Variants in SUGP2 observed in about 807,000 individuals in gnomAD.
SUGP2 encodes SURP and G-patch domain-containing protein 2.
A neutral mutation model predicts 90.5 loss-of-function variants in SUGP2; 24 were observed. The observed-to-expected ratio is 0.27, with a 90% CI of 0.19 to 0.37. The LOEUF is 0.37. SUGP2 is among the 10% of genes least tolerant of loss of function. SUGP2 has a pLI of 1.00. For missense variants in SUGP2, 1,233 were observed against 1,363.3 expected, an observed-to-expected ratio of 0.90 and a Z score of 1.51; for synonymous variants, 473 against 513.4, an observed-to-expected ratio of 0.92 and a Z score of 1.06.
At chr19:19,031,901 C>A (rs528499489) in intron 1 of SUGP2, among the ~76,000 whole-genome samples, 1 of 146,988 alleles carries the variant, frequency 6.8e-6, no homozygotes, top group East Asian at 2.0e-4. Context: ...TGACCTCAAG[C>A]AATCTGCCCA....
At chr19:19,009,659 G>T (rs2053937671) in intron 5 of SUGP2, among the ~76,000 whole-genome samples, 196 bp downstream of exon 5, 1 of 152,228 alleles carries the variant, frequency 6.6e-6, no homozygotes, top group Non-Finnish European at 1.5e-5. Context: ...GGAGGAGGGA[G>T]CTGCAGGACT....
chr19:19,011,062 AG>A (rs1315452557), intron 4 of SUGP2, among the ~76,000 whole-genome samples: 1 of 151,378 alleles, frequency 6.6e-6, no homozygotes, highest in African/African-American at 2.4e-5. Context: ...ACTTGAGCCC[AG>A]GAAGTCGAGA....
chr19:19,028,982 T>C (rs948186181), intron 2 of SUGP2, among the ~76,000 whole-genome samples: 2 of 151,974 alleles, frequency 1.3e-5, no homozygotes, highest in Non-Finnish European at 2.9e-5. Flanking sequence ...CCACTGCACC[T>C]GGCCGTCTTT....
chr19:19,032,639 G>A (rs1373160849), intron 1 of SUGP2, among the ~76,000 whole-genome samples: 1 of 152,112 alleles, frequency 6.6e-6, no homozygotes, highest in African/African-American at 2.4e-5. Flanking sequence ...CCACTGAAGA[G>A]GCGGGTCCTG....
intron 10 of SUGP2, 35 bp downstream of exon 10, chr19:18,994,331 G>A: frequency 6.2e-7 from 1 of 1,602,244 alleles, no homozygotes; most frequent in Non-Finnish European, 8.5e-7. Flanking sequence ...CGCCAGCGAG[G>A]GCAGACGGCC....
At position 19,031,086 on chromosome 19, in the gene SUGP2, T is replaced by C. The variant is rs759980539; in HGVS notation, c.-11-4A>G. The C allele has an allele frequency of 1.2e-5, 20 of 1,607,860 alleles. No homozygotes were observed. The highest frequency in any genetic ancestry group is 4.4e-5 in the South Asian group (4 of 89,960). ...CTGGCTGCCATGTTATTTTGCCCTA[T>C]GGTGAGAGAGAAAAAAATACACTAA... On this transcript the variant is annotated splice_polypyrimidine_tract_variant and splice_region_variant and intron_variant, in intron 1 of 10. Coordinates refer to ENST00000452918, the MANE Select transcript of SUGP2 (RefSeq NM_001017392.5).
chr19:19,008,936 G>A (rs1475042149), intron 5 of SUGP2, among the ~76,000 whole-genome samples: 1 of 152,064 alleles, frequency 6.6e-6, no homozygotes, highest in Admixed American at 6.5e-5. Context: ...TTTTGAGATG[G>A]AGTCTTGCTC....
At chr19:19,032,848 T>A (rs2145803537) in intron 1 of SUGP2, among the ~76,000 whole-genome samples, 1 of 152,212 alleles carries the variant, frequency 6.6e-6, no homozygotes, top group Non-Finnish European at 1.5e-5. Context: ...TCGCAAAACC[T>A]CCAACTTCAA....
chr19:19,001,632 C>A lies in SUGP2; in HGVS notation c.2972G>T (p.Arg991Leu). ...VRIAYDRPRG[R>L]PMSKKKKPKD... Reference sequence around the variant, plus strand: ...GCTCACCTTCTTTTTGGACATGGGACGACCCCGAGGCCTGTCATAGGCAAT... The same window carrying A: ...GCTCACCTTCTTTTTGGACATGGGAAGACCCCGAGGCCTGTCATAGGCAAT... Residue 991 changes from arginine to leucine, a missense_variant, in exon 8 of 11, where the codon CGT (arginine) becomes CTT (leucine). Physicochemically the swap from Arg to Leu is moderately radical, Grantham distance 102. Coordinates refer to ENST00000452918, the MANE Select transcript of SUGP2 (RefSeq NM_001017392.5). 6.2e-7 allele frequency: 1 copy of A among 1,614,140 alleles called. No individual in the cohort carries two copies. The highest frequency in any genetic ancestry group is 8.5e-7 in the Non-Finnish European group (1 of 1,180,012).
chr19:19,021,033 A>C (rs2058704788), intron 3 of SUGP2, among the ~76,000 whole-genome samples: 1 of 151,662 alleles, frequency 6.6e-6, no homozygotes, highest in African/African-American at 2.4e-5. Context: ...GTGGCACATG[A>C]CTGTAATCCC....
In SUGP2 at chr19:18,992,878, C is replaced by T. The variant is rs73006907; in HGVS notation, c.*863G>A. 9,751 of 152,252 alleles carry T rather than the reference C, an allele frequency of 0.064. 380 individuals carry two copies. The highest frequency in any genetic ancestry group is 0.15 in the Middle Eastern group (43 of 292). 9.4% of individuals were successfully genotyped at this position (152,252 alleles called of 1,614,324 possible). A position where few individuals can be genotyped will look rare whatever the true frequency, so the allele number is the denominator to read the frequency against. On this transcript the variant is annotated 3_prime_UTR_variant, in exon 11 of 11. Coordinates refer to ENST00000452918, the MANE Select transcript of SUGP2 (RefSeq NM_001017392.5). ...GCAGAGTGCTGGGGAATCTGGAGAGCGGGGGCGATCACATGCCTGGAAATA... is the reference window on the plus strand; with the variant it reads ...GCAGAGTGCTGGGGAATCTGGAGAGTGGGGGCGATCACATGCCTGGAAATA...
At chr19:19,030,325 A>G (rs945756585) in intron 2 of SUGP2, among the ~76,000 whole-genome samples, 6 of 152,028 alleles carry the variant, frequency 3.9e-5, no homozygotes, top group African/African-American at 1.4e-4. Flanking sequence ...CCTCATCTCT[A>G]CTACAAATAG....
chr19:19,002,584 G>T lies in SUGP2; in HGVS notation c.2930-910C>A, dbSNP rs1385352339. 3.0e-5 allele frequency among the ~76,000 whole-genome samples: 4 copies of T among 132,390 alleles called. No individual in the cohort carries two copies. In the South Asian group the frequency reaches 7.7e-4, roughly 25 times the overall value. 86.9% of individuals were successfully genotyped at this position (132,390 alleles called of 152,430 possible). Reference sequence around the variant, plus strand: ...GCTGGAGTGCAGTGGTGTGATCTCAGCTCACTGCAACCTTCACCTCCCAGG... The same window carrying T: ...GCTGGAGTGCAGTGGTGTGATCTCATCTCACTGCAACCTTCACCTCCCAGG... On this transcript the variant is annotated intron_variant, in intron 7 of 10. Coordinates refer to ENST00000452918, the MANE Select transcript of SUGP2 (RefSeq NM_001017392.5).
chr19:19,013,788 G>A (rs190323869), intron 4 of SUGP2, among the ~76,000 whole-genome samples: 4 of 152,042 alleles, frequency 2.6e-5, no homozygotes, highest in Non-Finnish European at 5.9e-5. Flanking sequence ...GCATGGTCAG[G>A]GCTGGCCCAC....
chr19:19,028,014 C>CAGGCAG (rs1398237209), intron 2 of SUGP2, among the ~76,000 whole-genome samples: 1 of 152,104 alleles, frequency 6.6e-6, no homozygotes, highest in Non-Finnish European at 1.5e-5. Context: ...GGAAGCCTTC[C>CAGGCAG]AGGCAGAGGG....
chr19:19,011,666 C>A (rs2058317313), intron 4 of SUGP2, among the ~76,000 whole-genome samples: 2 of 151,986 alleles, frequency 1.3e-5, no homozygotes, highest in Admixed American at 6.6e-5. Flanking sequence ...CGTGAATTTC[C>A]TGGGTGTGCT....
rs991088579 is a variant in SUGP2, at chr19:18,991,678, G to A, written c.*2063C>T. 2.0e-5 allele frequency: 3 copies of A among 152,294 alleles called. No homozygotes were observed. The highest frequency in any genetic ancestry group is 4.4e-5 in the Non-Finnish European group (3 of 68,132). The allele number at this position is 152,294 out of a possible 1,614,324, so 9.4% of individuals were successfully genotyped here. A position where few individuals can be genotyped will look rare whatever the true frequency, so the allele number is the denominator to read the frequency against. ...CGCTGCAGGTGTGTGCGCCTCGCTC[G>A]GGTCAATGGGCTGAGCCCCGCTTGG... On this transcript the variant is annotated 3_prime_UTR_variant, in exon 11 of 11. Coordinates refer to ENST00000452918, the MANE Select transcript of SUGP2 (RefSeq NM_001017392.5).
chr19:18,997,762 G>A (rs1404339016), intron 8 of SUGP2, among the ~76,000 whole-genome samples: 10 of 123,544 alleles, frequency 8.1e-5, no homozygotes, highest in South Asian at 2.6e-4. Flanking sequence ...CAGCCTTGGC[G>A]ACAAAGGGAG....
chr19:19,002,982 T>A (rs2057906463), intron 7 of SUGP2, among the ~76,000 whole-genome samples: 1 of 152,074 alleles, frequency 6.6e-6, no homozygotes, highest in Admixed American at 6.6e-5. Context: ...CATTAATTTT[T>A]TTTTCTTGTA....
Sources: gnomAD v4.1 joint callset for allele counts (sites outside exome capture counted in the v4.1 genomes callset) on GRCh38, gnomAD v4.1.1 for gene constraint, MANE v1.5 for transcripts, NCBI Gene and HGNC (gene_info 2026-07-23, HGNC 2026-07-21) for gene names.